Variants in FSIP1 observed in about 807,000 individuals in gnomAD.
FSIP1 encodes the protein fibrous sheath interacting protein 1, also known as fibrous sheath-interacting protein 1.
Under a neutral mutation model 60.9 loss-of-function variants are expected in FSIP1, and 65 were observed. The observed-to-expected ratio is 1.07, with a 90% CI of 0.87 to 1.31. FSIP1 has a LOEUF of 1.31. Ranked by LOEUF, FSIP1 falls within the 40% of genes most tolerant of loss-of-function variation. FSIP1 has a pLI of 0.00. For missense variants in FSIP1, 675 were observed against 665.5 expected (o/e 1.01, Z -0.16); for synonymous variants, 209 against 221.2 (o/e 0.94, Z 0.49).
At chr15:39,651,800 G>A (rs960632885) in intron 10 of FSIP1, among the ~76,000 whole-genome samples, 3 of 152,220 alleles carry the variant, frequency 2.0e-5, no homozygotes, top group African/African-American at 7.2e-5. Flanking sequence ...CAAATTGTTA[G>A]ATACAAGTTG....
intron 10 of FSIP1, among the ~76,000 whole-genome samples, chr15:39,627,260 C>T (rs1416109216): frequency 1.3e-5 from 2 of 152,240 alleles, no homozygotes; most frequent in African/African-American, 4.8e-5. Flanking sequence ...CTAACATGGC[C>T]TGTGCTGCTC....
At chr15:39,601,893 G>GA (rs61483261) in intron 11 of FSIP1, among the ~76,000 whole-genome samples, 26,357 of 152,142 alleles carry the variant, frequency 0.17, 2,604 homozygotes, top group African/African-American at 0.25. Flanking sequence ...TGGGGTTGGG[G>GA]AAAATGGGAA....
rs546560808 is a variant in FSIP1, at chr15:39,716,475, C to T, written c.1051-2894G>A. Among the ~76,000 whole-genome samples, 16 of 152,202 alleles carry T rather than the reference C, an allele frequency of 1.1e-4. No homozygotes were observed. In the South Asian group the frequency reaches 3.1e-3, roughly 30 times the overall value. ...ACAAATCTGACAGAGGACTTGTATC[C>T]AGAATATGTAAGGAACTCCTACAAC... On this transcript the variant is annotated intron_variant, in intron 9 of 11. Coordinates refer to ENST00000350221, the MANE Select transcript of FSIP1 (RefSeq NM_152597.5).
chr15:39,747,037 C>CTCCTTCCA (rs1430075672), intron 5 of FSIP1, among the ~76,000 whole-genome samples: 55 of 133,592 alleles, frequency 4.1e-4, no homozygotes, highest in African/African-American at 1.7e-3. Context: ...CCCTCCTTCC[C>CTCCTTCCA]TCCTTCCATT....
At chr15:39,608,295 T>G (rs1176965071) in intron 11 of FSIP1, among the ~76,000 whole-genome samples, 2 of 152,242 alleles carry the variant, frequency 1.3e-5, no homozygotes, top group African/African-American at 4.8e-5. Context: ...TCTCCATAGC[T>G]TCTTTCCATT....
chr15:39,735,161 T>C (rs1377675296), intron 8 of FSIP1, among the ~76,000 whole-genome samples: 1 of 152,206 alleles, frequency 6.6e-6, no homozygotes, highest in Non-Finnish European at 1.5e-5. Flanking sequence ...GTTAATAAAG[T>C]AGACAAATTA....
intron 10 of FSIP1, among the ~76,000 whole-genome samples, chr15:39,679,017 G>A (rs1894055497): frequency 6.6e-6 from 1 of 152,080 alleles, no homozygotes; most frequent in South Asian, 2.1e-4. Flanking sequence ...AATGGATCTT[G>A]TCTGGGTGTT....
chr15:39,685,858 G>A (rs1186131615), intron 10 of FSIP1, among the ~76,000 whole-genome samples: 1 of 152,062 alleles, frequency 6.6e-6, no homozygotes, highest in African/African-American at 2.4e-5. Context: ...TGTGTCCCAC[G>A]ATACACTCCA....
chr15:39,623,999 T>C (rs887310045), intron 10 of FSIP1, among the ~76,000 whole-genome samples: 1 of 152,216 alleles, frequency 6.6e-6, no homozygotes, highest in African/African-American at 2.4e-5. Flanking sequence ...TTTAGCTCTC[T>C]ATATTCTTTT....
intron 10 of FSIP1, among the ~76,000 whole-genome samples, chr15:39,620,770 A>ATATT (rs1323666892): frequency 6.7e-6 from 1 of 149,060 alleles, no homozygotes; most frequent in East Asian, 2.0e-4. Flanking sequence ...ATATATATAT[A>ATATT]TATATTTATA....
At chr15:39,639,997 G>C (rs1892294926) in intron 10 of FSIP1, among the ~76,000 whole-genome samples, 3 of 151,984 alleles carry the variant, frequency 2.0e-5, no homozygotes, top group Non-Finnish European at 4.4e-5. Flanking sequence ...CACCTAACAG[G>C]GTACCCAGCA....
chr15:39,711,280 G>A (rs1046524452), intron 10 of FSIP1, among the ~76,000 whole-genome samples: 2 of 152,058 alleles, frequency 1.3e-5, no homozygotes, highest in East Asian at 1.9e-4. Flanking sequence ...TTCTCACTAC[G>A]TCCTCACATG....
intron 10 of FSIP1, among the ~76,000 whole-genome samples, chr15:39,694,756 C>T (rs1054206081): frequency 3.3e-5 from 5 of 151,666 alleles, no homozygotes; most frequent in African/African-American, 9.7e-5. Context: ...GCCGAGATCA[C>T]GCCACTACAC....
chr15:39,729,548 T>C (rs1010143383), intron 8 of FSIP1, among the ~76,000 whole-genome samples: 1 of 151,894 alleles, frequency 6.6e-6, no homozygotes, highest in Non-Finnish European at 1.5e-5. Context: ...CACTCCAACC[T>C]GGGTGACAGA....
intron 5 of FSIP1, among the ~76,000 whole-genome samples, chr15:39,762,181 G>A (rs1897523436): frequency 6.6e-6 from 1 of 152,204 alleles, no homozygotes; most frequent in Admixed American, 6.5e-5. Context: ...ATCACAGGCT[G>A]GGTGGCTGAA....
intron 10 of FSIP1, among the ~76,000 whole-genome samples, chr15:39,690,963 G>A (rs1279575590): frequency 6.6e-6 from 1 of 152,048 alleles, no homozygotes; most frequent in Non-Finnish European, 1.5e-5. Context: ...ACCTCTGCTG[G>A]GACAACATCA....
chr15:39,631,762 T>C (rs1044324174), intron 10 of FSIP1, among the ~76,000 whole-genome samples: 7 of 152,192 alleles, frequency 4.6e-5, no homozygotes, highest in African/African-American at 1.2e-4. Flanking sequence ...GGTTTAATTA[T>C]AGAAACCTAT....
intron 6 of FSIP1, 39 bp downstream of exon 6, chr15:39,741,766 C>T: frequency 9.9e-7 from 1 of 1,005,444 alleles, no homozygotes; most frequent in Non-Finnish European, 1.6e-6. Flanking sequence ...CCAGTATTCC[C>T]TTGTGAAAAT....
chr15:39,683,812 C>T (rs903367975), intron 10 of FSIP1, among the ~76,000 whole-genome samples: 1 of 152,120 alleles, frequency 6.6e-6, no homozygotes, highest in Non-Finnish European at 1.5e-5. Context: ...AGAAAAAACA[C>T]ACATATTAGA....
Sources: allele counts gnomAD v4.1 joint callset (sites outside exome capture counted in the v4.1 genomes callset), GRCh38; gene constraint gnomAD v4.1.1; transcripts MANE v1.5; gene names NCBI Gene and HGNC (gene_info 2026-07-23, HGNC 2026-07-21).